HCAR2: variants seen among roughly 807,000 people sequenced by gnomAD.
The protein encoded by HCAR2 is G protein-coupled receptor HM74a.
For missense variants in HCAR2, 346 were observed against 476.6 expected (o/e 0.73, Z 2.55); for synonymous variants, 156 against 189.4 (o/e 0.82, Z 1.45).
rs1051437376 is a variant in HCAR2, at chr12:122,702,003, A to G, written c.*189T>C. On this transcript the variant is annotated 3_prime_UTR_variant, in exon 1 of 1. Coordinates refer to ENST00000328880, the MANE Select transcript of HCAR2 (RefSeq NM_177551.4). ...AAGCTTTACTCTCTATTCCTCCAGG[A>G]TTCCTGCGGTCACACCTTGCAACCA... The G allele has an allele frequency of 2.0e-5, 21 of 1,047,556 alleles. No individual in the cohort carries two copies. In the African/African-American group the frequency reaches 3.3e-4, roughly 16 times the overall value. The allele number at this position is 1,047,556 out of a possible 1,614,324, so 64.9% of individuals were successfully genotyped here.
chr12:122,701,912 G>A lies in HCAR2; in HGVS notation c.*280C>T, dbSNP rs969948375. The A allele has an allele frequency of 3.5e-6, 2 of 575,574 alleles. No homozygotes were observed. Among genetic ancestry groups the A allele is most frequent in the South Asian group, 2.1e-5 (1 of 48,060 alleles). The allele number at this position is 575,574 out of a possible 1,614,324, so 35.7% of individuals were successfully genotyped here. On this transcript the variant is annotated 3_prime_UTR_variant, in exon 1 of 1. Coordinates refer to ENST00000328880, the MANE Select transcript of HCAR2 (RefSeq NM_177551.4). ...GGCTCCAACTCTGCTCAGCAGAAAT[G>A]CCTACAATTTGCCCATCTTCAGTCC...
chr12:122,702,237 G>T lies in HCAR2; in HGVS notation c.1047C>A (p.Ser349=). ...RGAPEALMAN[S]GEPWSPSYLG... Reference sequence around the variant, plus strand: ...GATAAGAGGGGCTCCATGGCTCACCGGAGTTGGCCATTAACGCCTCTGGAG... The same window carrying T: ...GATAAGAGGGGCTCCATGGCTCACCTGAGTTGGCCATTAACGCCTCTGGAG... The change falls in exon 1 of 1, where the codon TCC becomes TCA. Residue 349 remains serine, a synonymous_variant. Coordinates refer to ENST00000328880, the MANE Select transcript of HCAR2 (RefSeq NM_177551.4). The T allele has an allele frequency of 1.9e-6, 3 of 1,614,206 alleles. No homozygotes were observed. Among genetic ancestry groups the T allele is most frequent in the Non-Finnish European group, 2.5e-6 (3 of 1,180,022 alleles).
In HCAR2 at chr12:122,703,028, T is replaced by C; in HGVS notation, c.256A>G (p.Asn86Asp). 5 of 1,614,042 alleles carry C rather than the reference T, an allele frequency of 3.1e-6. No homozygotes were observed. Among genetic ancestry groups the C allele is most frequent in the Non-Finnish European group, 4.2e-6 (5 of 1,180,006 alleles). The change falls in exon 1 of 1, where the codon AAC (asparagine) becomes GAC (aspartate). Residue 86 changes from asparagine to aspartate, a missense_variant. Transcript: ENST00000328880. ...LIICLPFLMD[N>D]YVRRWDWKFG... ...TTCCAGTCCCAACGCCTCACATAGT[T>C]GTCCATCAGGAAGGGCAGGCAGATG...
In HCAR2 at chr12:122,702,436, G is replaced by A; in HGVS notation, c.848C>T (p.Thr283Ile). The change falls in exon 1 of 1, where the codon ACC becomes ATC. Residue 283 changes from threonine (T) to isoleucine (I), a missense_variant. By Grantham distance (89) the Thr-to-Ile change is moderately conservative (BLOSUM62 -1). Coordinates refer to ENST00000328880, the MANE Select transcript of HCAR2 (RefSeq NM_177551.4). ...GGGGTCCAGCATGCTGTTCATGTAG[G>A]TGAAGCTGAGAGTGATAAAGAACGC... ...DLAFFITLSF[T>I]YMNSMLDPVV... is the part of the protein sequence containing the mutation. The A allele has an allele frequency of 6.2e-7, 1 of 1,614,134 alleles. No individual in the cohort carries two copies. The highest frequency in any genetic ancestry group is 2.2e-5 in the East Asian group (1 of 44,870).
At position 122,702,161 on chromosome 12, in the gene HCAR2, T is replaced by C. The variant is rs200807592; in HGVS notation, c.*31A>G. The C allele has an allele frequency of 1.8e-4, 291 of 1,613,670 alleles. No individual in the cohort carries two copies. The highest frequency in any genetic ancestry group is 5.1e-6 in the Non-Finnish European group (6 of 1,179,960). On this transcript the variant is annotated 3_prime_UTR_variant, in exon 1 of 1. Transcript: ENST00000328880. Reference sequence around the variant, plus strand: ...CTGTTTCTCCAGAGATCCTGGTTCTTGGTGACAATGTCCCTTCTTGGCATG... The same window carrying C: ...CTGTTTCTCCAGAGATCCTGGTTCTCGGTGACAATGTCCCTTCTTGGCATG...
In HCAR2 at chr12:122,703,033, A is replaced by T. The variant is rs1396108170; in HGVS notation, c.251T>A (p.Met84Lys). Reference sequence around the variant, plus strand: ...GTCCCAACGCCTCACATAGTTGTCCATCAGGAAGGGCAGGCAGATGATCAG... The same window carrying T: ...GTCCCAACGCCTCACATAGTTGTCCTTCAGGAAGGGCAGGCAGATGATCAG... ...FLLIICLPFL[M>K]DNYVRRWDWK... is the part of the protein sequence containing the mutation. The change falls in exon 1 of 1, where the codon ATG becomes AAG. Residue 84 changes from methionine to lysine, a missense_variant. Coordinates refer to ENST00000328880, the MANE Select transcript of HCAR2 (RefSeq NM_177551.4). 2.5e-6 allele frequency: 4 copies of T among 1,614,162 alleles called. No homozygotes were observed. Among genetic ancestry groups the T allele is most frequent in the Non-Finnish European group, 3.4e-6 (4 of 1,180,036 alleles).
In HCAR2 at chr12:122,702,887, G is replaced by A; in HGVS notation, c.397C>T (p.His133Tyr). The A allele has an allele frequency of 6.2e-7, 1 of 1,614,136 alleles. No individual in the cohort carries two copies. The highest frequency in any genetic ancestry group is 8.5e-7 in the Non-Finnish European group (1 of 1,180,010). ...VDRYFRVVHP[H>Y]HALNKISNRT... ...TTGGAGATCTTGTTCAGGGCGTGGT[G>A]GGGATGGACCACCCGGAAATACCTG... Residue 133 changes from histidine to tyrosine, a missense_variant, in exon 1 of 1, where the codon CAC becomes TAC. His to Tyr is a moderately conservative substitution (Grantham distance 83). Transcript: ENST00000328880.
In HCAR2 at chr12:122,702,933, G is replaced by T. The variant is rs199839290; in HGVS notation, c.351C>A (p.Phe117Leu). The part of the protein sequence containing the change: ...LAMNRQGSII[F>L]LTVVAVDRYF... The stretch of plus-strand genomic sequence containing the variant: ...ACCTGTCTACCGCCACCACCGTGAG[G>T]AAGATGATGCTGCCCTGGCGGTTCA... Residue 117 changes from phenylalanine to leucine, a missense_variant, in exon 1 of 1, where the codon TTC becomes TTA. Coordinates refer to ENST00000328880, the MANE Select transcript of HCAR2 (RefSeq NM_177551.4). 8.7e-6 allele frequency: 14 copies of T among 1,614,032 alleles called. No individual in the cohort carries two copies. The highest frequency in any genetic ancestry group is 1.2e-5 in the Non-Finnish European group (14 of 1,180,024).
Position 122,702,971 on chromosome 12 carries a change from A to G in HCAR2, c.313T>C (p.Phe105Leu). The change falls in exon 1 of 1, where the codon TTC becomes CTC. Residue 105 changes from phenylalanine (F) to leucine (L), a missense_variant. Phe to Leu is a conservative substitution (Grantham distance 22, BLOSUM62 0). Coordinates refer to ENST00000328880, the MANE Select transcript of HCAR2 (RefSeq NM_177551.4). ...CCCTGGCGGTTCATAGCCAACATGA[A>G]GAGCATCAGCCGGCAAGGGATGTCC... Reference protein sequence around the residue: ...FGDIPCRLMLFMLAMNRQGSI... With the variant: ...FGDIPCRLMLLMLAMNRQGSI... 6.2e-7 allele frequency: 1 copy of G among 1,614,068 alleles called. No individual in the cohort carries two copies. The highest frequency in any genetic ancestry group is 1.1e-5 in the South Asian group (1 of 91,056).
Position 122,703,357 on chromosome 12 carries a change from T to G in HCAR2, c.-74A>C. ...AGCAAGGAGGTGTGTGTCTGTGTGGTGAACGTGTGGTTCCACGCCTGCCTT... is the reference window on the plus strand; with the variant it reads ...AGCAAGGAGGTGTGTGTCTGTGTGGGGAACGTGTGGTTCCACGCCTGCCTT... On this transcript the variant is annotated 5_prime_UTR_variant, in exon 1 of 1. Coordinates refer to ENST00000328880, the MANE Select transcript of HCAR2 (RefSeq NM_177551.4). The G allele has an allele frequency of 6.4e-7, 1 of 1,559,810 alleles. No individual in the cohort carries two copies. The highest frequency in any genetic ancestry group is 1.2e-5 in the South Asian group (1 of 83,762).
rs1447925615 is a variant in HCAR2, at chr12:122,701,491, A to T, written c.*701T>A. On this transcript the variant is annotated 3_prime_UTR_variant, in exon 1 of 1. Coordinates refer to ENST00000328880, the MANE Select transcript of HCAR2 (RefSeq NM_177551.4). ...CTGCCCAACCCTTAGATTACTATAA[A>T]CAAGAGAGGAATGGATTGCATTAGT... 1 of 152,770 alleles carries T rather than the reference A, an allele frequency of 6.5e-6. No individual in the cohort carries two copies. The allele number at this position is 152,770 out of a possible 1,614,324, so 9.5% of individuals were successfully genotyped here.
chr12:122,702,347 G>A lies in HCAR2; in HGVS notation c.937C>T (p.Leu313Phe), dbSNP rs1459035239. ...NFFSTLINRC[L>F]QRKMTGEPDN... ...GGCTCACCTGTCATCTTCCTCTGGA[G>A]GCAGCGGTTGATCAAAGTGGAGAAG... The change falls in exon 1 of 1, where the codon CTC (leucine) becomes TTC (phenylalanine). Residue 313 changes from leucine (L) to phenylalanine (F), a missense_variant. Coordinates refer to ENST00000328880, the MANE Select transcript of HCAR2 (RefSeq NM_177551.4). The A allele has an allele frequency of 4.3e-6, 7 of 1,614,246 alleles. No individual in the cohort carries two copies. The highest frequency in any genetic ancestry group is 5.9e-6 in the Non-Finnish European group (7 of 1,180,046).
chr12:122,702,798 G>T lies in HCAR2; in HGVS notation c.486C>A (p.Leu162=). ...TCTGGATCGGCATCTTCTTCTTCAG[G>T]AGGTGGACTGTCAGGCCAATAGTGA... ...WGITIGLTVH[L]LKKKMPIQNG... Residue 162 remains leucine (L), a synonymous_variant, in exon 1 of 1, where the codon CTC becomes CTA. Coordinates refer to ENST00000328880, the MANE Select transcript of HCAR2 (RefSeq NM_177551.4). The T allele has an allele frequency of 6.2e-7, 1 of 1,614,204 alleles. No homozygotes were observed. Among genetic ancestry groups the T allele is most frequent in the Non-Finnish European group, 8.5e-7 (1 of 1,180,036 alleles).
Position 122,702,432 on chromosome 12 carries a change from G to C in HCAR2, c.852C>G (p.Tyr284Ter). 6.2e-7 allele frequency: 1 copy of C among 1,614,156 alleles called. No individual in the cohort carries two copies. Among genetic ancestry groups the C allele is most frequent in the East Asian group, 2.2e-5 (1 of 44,876 alleles). Residue 284 changes from tyrosine (Y) to a stop codon, truncating the protein, a stop_gained, in exon 1 of 1, where the codon TAC (tyrosine) becomes TAG (stop). Transcript: ENST00000328880. LOFTEE classifies it low-confidence loss of function (END_TRUNC). ...CCACGGGGTCCAGCATGCTGTTCATGTAGGTGAAGCTGAGAGTGATAAAGA... is the reference window on the plus strand; with the variant it reads ...CCACGGGGTCCAGCATGCTGTTCATCTAGGTGAAGCTGAGAGTGATAAAGA... Reference protein sequence around the residue: ...LAFFITLSFTYMNSMLDPVVY... With the variant: ...LAFFITLSFT
Position 122,702,767 on chromosome 12 carries a change from C to G in HCAR2, c.517G>C (p.Gly173Arg), listed in dbSNP as rs141052038. The G allele has an allele frequency of 1.2e-5, 20 of 1,614,018 alleles. No individual in the cohort carries two copies. The highest frequency in any genetic ancestry group is 1.5e-5 in the Non-Finnish European group (18 of 1,180,032). The change falls in exon 1 of 1, where the codon GGT (glycine) becomes CGT (arginine). Residue 173 changes from glycine to arginine, a missense_variant. Physicochemically the swap from Gly to Arg is moderately radical, Grantham distance 125. Transcript: ENST00000328880. Reference protein sequence around the residue: ...LKKKMPIQNGGANLCSSFSIC... With the variant: ...LKKKMPIQNGRANLCSSFSIC... ...CTGAAGCTGCTGCACAAATTTGCAC[C>G]GCCATTCTGGATCGGCATCTTCTTC...
rs1190327696 is a variant in HCAR2, at chr12:122,702,956, T to A, written c.328A>T (p.Asn110Tyr). 6.2e-7 allele frequency: 1 copy of A among 1,613,804 alleles called. No homozygotes were observed. Reference sequence around the variant, plus strand: ...AGGAAGATGATGCTGCCCTGGCGGTTCATAGCCAACATGAAGAGCATCAGC... The same window carrying A: ...AGGAAGATGATGCTGCCCTGGCGGTACATAGCCAACATGAAGAGCATCAGC... The part of the protein sequence containing the change: ...CRLMLFMLAM[N>Y]RQGSIIFLTV... Residue 110 changes from asparagine (N) to tyrosine (Y), a missense_variant, in exon 1 of 1, where the codon AAC (asparagine) becomes TAC (tyrosine). Coordinates refer to ENST00000328880, the MANE Select transcript of HCAR2 (RefSeq NM_177551.4).
chr12:122,703,056 C>A lies in HCAR2; in HGVS notation c.228G>T (p.Leu76=), dbSNP rs143690784. ...CCATCAGGAAGGGCAGGCAGATGATCAGTAGAAAGTCAGCCACTGCCAGGT... is the reference window on the plus strand; with the variant it reads ...CCATCAGGAAGGGCAGGCAGATGATAAGTAGAAAGTCAGCCACTGCCAGGT... ...LFNLAVADFL[L]IICLPFLMDN... Residue 76 remains leucine (L), a synonymous_variant, in exon 1 of 1, where the codon CTG becomes CTT. Coordinates refer to ENST00000328880, the MANE Select transcript of HCAR2 (RefSeq NM_177551.4). The A allele has an allele frequency of 1.7e-5, 27 of 1,614,018 alleles. No homozygotes were observed. The African/African-American group carries it at 3.6e-4, about 22-fold the overall frequency.
At position 122,703,241 on chromosome 12, in the gene HCAR2, T is replaced by C. The variant is rs201865940; in HGVS notation, c.43A>G (p.Lys15Glu). ...HLQDHFLEIDKKNCCVFRDDF... is the reference protein window; with the variant it reads ...HLQDHFLEIDEKNCCVFRDDF... ...TCTCGGAACACACAGCAGTTCTTCT[T>C]GTCTATTTCCAGAAAGTGATCCTGC... Residue 15 changes from lysine to glutamate, a missense_variant, in exon 1 of 1, where the codon AAG becomes GAG. Lys to Glu is a moderately conservative substitution (Grantham distance 56, BLOSUM62 1). Coordinates refer to ENST00000328880, the MANE Select transcript of HCAR2 (RefSeq NM_177551.4). 9.9e-6 allele frequency: 16 copies of C among 1,613,932 alleles called. No homozygotes were observed. The highest frequency in any genetic ancestry group is 1.3e-5 in the Non-Finnish European group (15 of 1,180,004).
rs762947361 is a variant in HCAR2 at position 122,703,133 on chromosome 12, T to G, written c.151A>C (p.Ile51Leu). Residue 51 changes from isoleucine to leucine, a missense_variant, in exon 1 of 1, where the codon ATT becomes CTT. Transcript: ENST00000328880. The part of the protein sequence containing the change: ...GLLGNGLALW[I>L]FCFHLKSWKS... Reference sequence around the variant, plus strand: ...CAGGACTTGAGGTGGAAACAGAAAATCCACAGGGCAAGGCCATTGCCCAGA... The same window carrying G: ...CAGGACTTGAGGTGGAAACAGAAAAGCCACAGGGCAAGGCCATTGCCCAGA... 4.3e-6 allele frequency: 7 copies of G among 1,613,726 alleles called. No individual in the cohort carries two copies. The Middle Eastern group carries it at 6.6e-4, about 152-fold the overall frequency.
Sources: gnomAD v4.1 joint callset for allele counts on GRCh38, gnomAD v4.1.1 for gene constraint, MANE v1.5 for transcripts, NCBI Gene and HGNC (gene_info 2026-07-23, HGNC 2026-07-21) for gene names.